DSCAML1: variants seen among roughly 807,000 people sequenced by gnomAD.
The protein encoded by DSCAML1 is DS cell adhesion molecule like 1.
Under a neutral mutation model 200.5 loss-of-function variants are expected in DSCAML1, and 38 were observed. The ratio of observed to expected loss-of-function variants is 0.19; its 90% CI spans 0.15 to 0.25. DSCAML1 has a LOEUF of 0.25. DSCAML1 is among the 10% of genes least tolerant of loss of function. The pLI is 1.00. For synonymous variants in DSCAML1, 1,215 were observed against 1,165.0 expected (o/e 1.04, Z -0.87); for missense variants, 2,223 against 2,858.8 (o/e 0.78, Z 5.07).
At chr11:117,592,955 C>A (rs1467730192) in intron 3 of DSCAML1, among the ~76,000 whole-genome samples, 1 of 152,240 alleles carries the variant, frequency 6.6e-6, no homozygotes, top group African/African-American at 2.4e-5. Context: ...TAAGTCACCT[C>A]CCCCAGGCTC....
Position 117,431,699 on chromosome 11 carries a change from C to A in DSCAML1, c.5209G>T (p.Ala1737Ser). Residue 1737 changes from alanine (A) to serine (S), a missense_variant, in exon 31 of 33, where the codon GCC becomes TCC. Coordinates refer to ENST00000651296, the MANE Select transcript of DSCAML1 (RefSeq NM_020693.4). ...NPVSRKNVKS[A>S]HSTRNRYSSQ... ...GAGTACCGGTTCCGGGTGCTGTGGG[C>A]TGACTTCACATTCTTCCTGGACACT... 2 of 1,598,350 alleles carry A rather than the reference C, an allele frequency of 1.3e-6. No homozygotes were observed. The highest frequency in any genetic ancestry group is 2.3e-5 in the South Asian group (2 of 88,706).
chr11:117,521,774 C>T (rs182203035), intron 5 of DSCAML1, among the ~76,000 whole-genome samples: 17 of 152,200 alleles, frequency 1.1e-4, no homozygotes, highest in African/African-American at 2.9e-4. Context: ...GGGGGGGCAC[C>T]CTTGGCCCAG....
chr11:117,492,632 G>A (rs572899800), intron 11 of DSCAML1, among the ~76,000 whole-genome samples: 1 of 152,082 alleles, frequency 6.6e-6, no homozygotes, highest in African/African-American at 2.4e-5. Flanking sequence ...GCTGCTCCTT[G>A]TTAACAAGTT....
At chr11:117,454,656 T>A (rs1304823551) in intron 19 of DSCAML1, among the ~76,000 whole-genome samples, 3 of 152,256 alleles carry the variant, frequency 2.0e-5, no homozygotes, top group Non-Finnish European at 4.4e-5. Context: ...GTCCCATTAT[T>A]TTTTATTGTA....
At chr11:117,472,373 C>T (rs373049678) in intron 14 of DSCAML1, among the ~76,000 whole-genome samples, 28 of 152,308 alleles carry the variant, frequency 1.8e-4, no homozygotes, top group African/African-American at 6.3e-4. Flanking sequence ...TGCCCTTCTT[C>T]CTGGGTCTCC....
chr11:117,816,800 G>GT (rs1001618275), intron 1 of DSCAML1, among the ~76,000 whole-genome samples: 2 of 105,752 alleles, frequency 1.9e-5, no homozygotes, highest in Admixed American at 9.5e-5. Flanking sequence ...GGAATTGCTG[G>GT]GGGGGTGGGG....
At chr11:117,576,421 T>C (rs1332572751) in intron 3 of DSCAML1, among the ~76,000 whole-genome samples, 1 of 152,210 alleles carries the variant, frequency 6.6e-6, no homozygotes, top group Non-Finnish European at 1.5e-5. Context: ...CAAGGCCGCT[T>C]TCCCAACAGT....
intron 3 of DSCAML1, among the ~76,000 whole-genome samples, chr11:117,739,647 T>C (rs1247559988): frequency 6.6e-6 from 1 of 152,188 alleles, no homozygotes. Flanking sequence ...ACTCTGTGCA[T>C]GGTTATTCAG....
Position 117,489,455 on chromosome 11 carries a change from C to T in DSCAML1, c.2360-7293G>A, listed in dbSNP as rs368414109. ...GGGAAATCTGATTTCTCTTTACAAA[C>T]GGGTGCAGGGGAGACTTTCTGGGGA... On this transcript the variant is annotated intron_variant, in intron 11 of 32. Coordinates refer to ENST00000651296, the MANE Select transcript of DSCAML1 (RefSeq NM_020693.4). The surrounding 1 kb of genome is among the most constrained non-coding windows in gnomAD (Gnocchi z 4.8). Among the ~76,000 whole-genome samples, 17 of 152,278 alleles carry T rather than the reference C, an allele frequency of 1.1e-4. No individual in the cohort carries two copies. Among genetic ancestry groups the T allele is most frequent in the African/African-American group, 3.6e-4 (15 of 41,570 alleles).
chr11:117,669,314 G>T (rs540923827), intron 3 of DSCAML1, among the ~76,000 whole-genome samples: 1 of 152,204 alleles, frequency 6.6e-6, no homozygotes, highest in African/African-American at 2.4e-5. Context: ...TCTGGGGGAC[G>T]GGCCCTCGGG....
At chr11:117,529,405 T>C (rs1192943613) in intron 4 of DSCAML1, among the ~76,000 whole-genome samples, 1 of 152,152 alleles carries the variant, frequency 6.6e-6, no homozygotes, top group Non-Finnish European at 1.5e-5. Context: ...TTCTGTTTCA[T>C]TCTCATGGCA....
chr11:117,550,165 G>A (rs548991564), intron 3 of DSCAML1, among the ~76,000 whole-genome samples: 1 of 152,222 alleles, frequency 6.6e-6, no homozygotes, highest in South Asian at 2.1e-4. Context: ...TGCCAATTAA[G>A]AGGACGTACC....
upstream of DSCAML1, among the ~76,000 whole-genome samples, chr11:117,797,592 C>A (rs1406387786): frequency 1.4e-5 from 2 of 147,640 alleles, no homozygotes; most frequent in East Asian, 2.1e-4. Flanking sequence ...CTTACCCGGC[C>A]CCCCCACCCT....
At position 117,428,037 on chromosome 11, in the gene DSCAML1, G is replaced by A. The variant is rs948200193; in HGVS notation, c.*291C>T. On this transcript the variant is annotated 3_prime_UTR_variant, in exon 33 of 33. Coordinates refer to ENST00000651296, the MANE Select transcript of DSCAML1 (RefSeq NM_020693.4). The stretch of plus-strand genomic sequence containing the variant: ...ATATATAGATATATAGCTCGTGGAC[G>A]CGTTCCTGTCTGTCTATATATGTAT... 1.2e-5 allele frequency: 3 copies of A among 251,480 alleles called. No individual in the cohort carries two copies. The highest frequency in any genetic ancestry group is 8.5e-5 in the South Asian group (1 of 11,790). 15.6% of individuals were successfully genotyped at this position (251,480 alleles called of 1,614,324 possible).
chr11:117,699,375 T>G (rs970821900), intron 3 of DSCAML1, among the ~76,000 whole-genome samples: 2 of 152,042 alleles, frequency 1.3e-5, no homozygotes, highest in African/African-American at 4.8e-5. Flanking sequence ...GGCGAGTGGC[T>G]CAGAAATGAG....
At chr11:117,451,198 C>T (rs2137118869) in intron 19 of DSCAML1, among the ~76,000 whole-genome samples, 1 of 152,266 alleles carries the variant, frequency 6.6e-6, no homozygotes, top group Middle Eastern at 3.4e-3. Flanking sequence ...GAAAGTCTAC[C>T]TTAGAAGTCA....
intron 3 of DSCAML1, among the ~76,000 whole-genome samples, chr11:117,650,197 C>T (rs949576435): frequency 3.3e-5 from 5 of 152,160 alleles, no homozygotes; most frequent in Admixed American, 6.5e-5. Flanking sequence ...CTCCAGGGTG[C>T]GGCCCAGGAA....
chr11:117,671,936 C>T (rs1591384431), intron 3 of DSCAML1, among the ~76,000 whole-genome samples: 5 of 151,802 alleles, frequency 3.3e-5, no homozygotes, highest in Admixed American at 3.3e-4. Flanking sequence ...CCCATCTCTA[C>T]TAAAAATACA....
intron 3 of DSCAML1, among the ~76,000 whole-genome samples, chr11:117,645,014 C>A (rs1299813885): frequency 1.3e-5 from 2 of 152,256 alleles, no homozygotes; most frequent in Non-Finnish European, 2.9e-5. Flanking sequence ...GTGTGGGGCC[C>A]ACGCTCCCCG....
Sources: allele counts gnomAD v4.1 joint callset (sites outside exome capture counted in the v4.1 genomes callset), GRCh38; gene constraint gnomAD v4.1.1; non-coding constraint Gnocchi (gnomAD v3.1); transcripts MANE v1.5; gene names NCBI Gene and HGNC (gene_info 2026-07-23, HGNC 2026-07-21).